Variants in GALNTL6 observed in about 807,000 individuals in gnomAD.
GALNTL6 encodes the protein polypeptide N-acetylgalactosaminyltransferase-like 6.
In GALNTL6, 46 loss-of-function variants were observed where a neutral mutation model predicts 73.7. The ratio of observed to expected loss-of-function variants is 0.62; its 90% CI spans 0.49 to 0.80. The LOEUF (loss-of-function observed/expected upper bound fraction) is 0.80, where lower values mean the gene tolerates loss of function less well. Among genes scored for constraint, GALNTL6 ranks in the 30% least tolerant of loss-of-function variants. The pLI is 0.00. For missense variants in GALNTL6, 604 were observed against 755.0 expected (o/e 0.80, Z 2.34); for synonymous variants, 259 against 263.7 (o/e 0.98, Z 0.17).
intron 5 of GALNTL6, among the ~76,000 whole-genome samples, chr4:172,525,704 A>T (rs1488054466): frequency 6.6e-6 from 1 of 152,110 alleles, no homozygotes; most frequent in Non-Finnish European, 1.5e-5. Context: ...TATACAAAAA[A>T]TCAAAAAATT....
intron 3 of GALNTL6, among the ~76,000 whole-genome samples, chr4:172,234,043 T>A (rs977443430): frequency 5.9e-5 from 9 of 152,172 alleles, no homozygotes; most frequent in African/African-American, 2.2e-4. Flanking sequence ...CTGAAATTCC[T>A]CGTTGTTTGT....
In GALNTL6 at chr4:172,247,429, A is replaced by G. The variant is rs1307365224; in HGVS notation, c.247+17665A>G. ...ACTTCATCATTAAGGCACTAATACAACTGATACAAAGCTTGCAGTTCTTTC... is the reference window on the plus strand; with the variant it reads ...ACTTCATCATTAAGGCACTAATACAGCTGATACAAAGCTTGCAGTTCTTTC... On this transcript the variant is annotated intron_variant, in intron 3 of 12. Transcript: ENST00000506823. Among the ~76,000 whole-genome samples the G allele has an allele frequency of 2.6e-5, 4 of 152,146 alleles. No individual in the cohort carries two copies. In the East Asian group the frequency reaches 5.8e-4, roughly 22 times the overall value.
At chr4:172,115,784 T>C (rs1385839923) in intron 2 of GALNTL6, among the ~76,000 whole-genome samples, 2 of 152,024 alleles carry the variant, frequency 1.3e-5, no homozygotes, top group Non-Finnish European at 2.9e-5. Context: ...ATAAATAAAA[T>C]AAGTTTGAAT....
chr4:172,475,448 A>AG, intron 5 of GALNTL6, among the ~76,000 whole-genome samples: 1 of 152,154 alleles, frequency 6.6e-6, no homozygotes, highest in East Asian at 1.9e-4. Flanking sequence ...AAAAAAAAAA[A>AG]GCATTCCAAT....
chr4:172,619,669 T>C (rs1247262424), intron 5 of GALNTL6, among the ~76,000 whole-genome samples: 2 of 152,166 alleles, frequency 1.3e-5, no homozygotes, highest in African/African-American at 2.4e-5. Flanking sequence ...CATGACCTTT[T>C]TGAGGTTGCT....
At chr4:172,861,557 G>C (rs1223482456) in intron 7 of GALNTL6, among the ~76,000 whole-genome samples, 1 of 152,188 alleles carries the variant, frequency 6.6e-6, no homozygotes, top group Non-Finnish European at 1.5e-5. Flanking sequence ...CATGCCTGCT[G>C]TGGATTTTAA....
At chr4:172,930,703 A>G in intron 8 of GALNTL6, among the ~76,000 whole-genome samples, 1 of 152,186 alleles carries the variant, frequency 6.6e-6, no homozygotes, top group East Asian at 1.9e-4. Flanking sequence ...TTTTGTTAAG[A>G]CAGGGTCTCG....
Position 172,311,685 on chromosome 4 carries a change from G to T in GALNTL6, c.319G>T (p.Gly107Cys). ...TGATGACTCAGCTTACAGGGAAAATGGTTTTAATATTTTCGTCAGCAACAA... is the reference window on the plus strand; with the variant it reads ...TGATGACTCAGCTTACAGGGAAAATTGTTTTAATATTTTCGTCAGCAACAA... The part of the protein sequence containing the change: ...DHDDSAYREN[G>C]FNIFVSNNIA... The change falls in exon 4 of 13, where the codon GGT becomes TGT. Residue 107 changes from glycine (G) to cysteine (C), a missense_variant. Transcript: ENST00000506823. The T allele has an allele frequency of 6.2e-7, 1 of 1,611,466 alleles. No individual in the cohort carries two copies. The highest frequency in any genetic ancestry group is 8.5e-7 in the Non-Finnish European group (1 of 1,178,222).
intron 3 of GALNTL6, among the ~76,000 whole-genome samples, chr4:172,264,712 G>T (rs1161957929): frequency 1.3e-5 from 2 of 148,704 alleles, no homozygotes; most frequent in African/African-American, 4.9e-5. Flanking sequence ...ATATTATCTA[G>T]TCTGATATAT....
Position 172,596,142 on chromosome 4 carries a change from AAATAT to A in GALNTL6, c.554-213214_554-213210del, listed in dbSNP as rs770158471. Among the ~76,000 whole-genome samples the A allele has an allele frequency of 2.0e-4, 30 of 152,078 alleles. 1 individual carries two copies. The highest frequency in any genetic ancestry group is 3.7e-4 in the Non-Finnish European group (25 of 68,010). ...GGATGATGCTATTTAAGAGTTATGT[AAATAT>A]AATAGAATGTGTTAAAGAGTGTGAC... On this transcript the variant is annotated intron_variant, in intron 5 of 12. Coordinates refer to ENST00000506823, the MANE Select transcript of GALNTL6 (RefSeq NM_001034845.3).
chr4:172,643,449 C>T (rs991021793), intron 5 of GALNTL6, among the ~76,000 whole-genome samples: 5 of 151,792 alleles, frequency 3.3e-5, no homozygotes, highest in Admixed American at 6.6e-5. Context: ...TCATGCATTC[C>T]TTGTTTGGTG....
intron 5 of GALNTL6, among the ~76,000 whole-genome samples, chr4:172,457,492 G>T (rs1732442002): frequency 6.6e-6 from 1 of 152,130 alleles, no homozygotes; most frequent in Non-Finnish European, 1.5e-5. Context: ...GACATACGTA[G>T]GCTCAAAATA....
At chr4:172,097,998 A>G (rs1429220844) in intron 2 of GALNTL6, among the ~76,000 whole-genome samples, 1 of 152,138 alleles carries the variant, frequency 6.6e-6, no homozygotes, top group Admixed American at 6.5e-5. Context: ...ACTTTTGCCA[A>G]AGGAAATGGA....
chr4:172,247,661 G>T (rs1737710105), intron 3 of GALNTL6, among the ~76,000 whole-genome samples: 1 of 152,130 alleles, frequency 6.6e-6, no homozygotes, highest in Non-Finnish European at 1.5e-5. Flanking sequence ...ACCAGCAGAT[G>T]CCTTTAGGCT....
intron 5 of GALNTL6, among the ~76,000 whole-genome samples, chr4:172,787,289 G>T (rs540749476): frequency 6.6e-6 from 1 of 152,264 alleles, no homozygotes; most frequent in East Asian, 1.9e-4. Context: ...TTAATGAATT[G>T]TTCCTCTTTT....
intron 5 of GALNTL6, among the ~76,000 whole-genome samples, chr4:172,731,791 G>C (rs1162474074): frequency 6.6e-6 from 1 of 151,756 alleles, no homozygotes; most frequent in Admixed American, 6.6e-5. Flanking sequence ...TAATTTTATT[G>C]ACCCATTGGT....
In GALNTL6 at chr4:172,674,605, A is replaced by G. The variant is rs144063953; in HGVS notation, c.554-134756A>G. Among the ~76,000 whole-genome samples the G allele has an allele frequency of 1.0e-3, 158 of 152,312 alleles. 4 individuals carry two copies. Among genetic ancestry groups the G allele is most frequent in the African/African-American group, 3.5e-3 (147 of 41,576 alleles). ...CCCATCCTTTTCAGGGACACCAACA[A>G]GCCATAGATTTGATCTCTTTCCATA... On this transcript the variant is annotated intron_variant, in intron 5 of 12. Transcript: ENST00000506823.
intron 7 of GALNTL6, among the ~76,000 whole-genome samples, chr4:172,826,897 T>C (rs2111041337): frequency 6.6e-6 from 1 of 152,340 alleles, no homozygotes; most frequent in Non-Finnish European, 1.5e-5. Context: ...TTGTTTTCCT[T>C]TCCAAACTGC....
intron 3 of GALNTL6, among the ~76,000 whole-genome samples, chr4:172,304,974 T>C (rs1740075714): frequency 6.6e-6 from 1 of 152,224 alleles, no homozygotes; most frequent in Non-Finnish European, 1.5e-5. Context: ...CTAGGTCTTA[T>C]TGTTTAGTTC....
Sources: gnomAD v4.1 joint callset for allele counts (sites outside exome capture counted in the v4.1 genomes callset) on GRCh38, gnomAD v4.1.1 for gene constraint, MANE v1.5 for transcripts, NCBI Gene and HGNC (gene_info 2026-07-23, HGNC 2026-07-21) for gene names.